The following KANK1 variants were observed in gnomAD, a reference collection of about 807,000 sequenced individuals.
KANK1 encodes the protein KN motif and ankyrin repeat domain-containing protein 1.
KANK1 carries 109 observed loss-of-function variants against 106.2 expected under a neutral mutation model. The ratio of observed to expected loss-of-function variants is 1.03; its 90% CI spans 0.88 to 1.20. The LOEUF is 1.20. Ranked by LOEUF, KANK1 falls within the 50% of genes most tolerant of loss-of-function variation. The pLI is 0.00. For synonymous variants in KANK1, 873 were observed against 652.2 expected, an observed-to-expected ratio of 1.34 and a Z score of -5.16; for missense variants, 2,399 against 1,710.7, an observed-to-expected ratio of 1.40 and a Z score of -7.10.
intron 3 of KANK1, among the ~76,000 whole-genome samples, chr9:717,196 G>C (rs547193277): frequency 6.6e-6 from 1 of 151,956 alleles, no homozygotes; most frequent in Admixed American, 6.5e-5. Flanking sequence ...GAGGTGGGAA[G>C]ATCACCGGCG....
rs112874232 is a variant in KANK1, at chr9:656,669, C to T, written c.-83-20221C>T. Among the ~76,000 whole-genome samples the T allele has an allele frequency of 3.7e-3, 568 of 152,252 alleles. 5 individuals are homozygous for T. The highest frequency in any genetic ancestry group is 0.034 in the Middle Eastern group (10 of 294). ...TGCCTGTCTAGCGTGGGTAGGTGAACGTCAGCAGAACTCTTGAAGAATCAC... is the reference window on the plus strand; with the variant it reads ...TGCCTGTCTAGCGTGGGTAGGTGAATGTCAGCAGAACTCTTGAAGAATCAC... On this transcript the variant is annotated intron_variant, in intron 1 of 11. Transcript: ENST00000382297.
intron 1 of KANK1, among the ~76,000 whole-genome samples, chr9:667,111 C>T (rs1201151395): frequency 6.6e-6 from 1 of 151,114 alleles, no homozygotes; most frequent in African/African-American, 2.4e-5. Context: ...TTAATTATAG[C>T]TTTGATCTTA....
chr9:528,469 C>CTTTTTTTTT lies in KANK1; in HGVS notation c.-84+23737_-84+23745dup, dbSNP rs36072780. Among the ~76,000 whole-genome samples, 23 of 85,122 alleles carry CTTTTTTTTT rather than the reference C, an allele frequency of 2.7e-4. 1 individual carries two copies. Among genetic ancestry groups the CTTTTTTTTT allele is most frequent in the African/African-American group, 4.2e-4 (10 of 23,622 alleles). The allele number at this position is 85,122 out of a possible 152,430, so 55.8% of individuals were successfully genotyped here. A position where few individuals can be genotyped will look rare whatever the true frequency, so the allele number is the denominator to read the frequency against. On this transcript the variant is annotated intron_variant, in intron 1 of 11. Transcript: ENST00000382297. The stretch of plus-strand genomic sequence containing the variant: ...ACCATTTTACTGAATTAAAAAATAA[C>CTTTTTTTTT]TTTTTTTTTTTTTTTTTTTTTTTTT...
At chr9:730,296 C>T in intron 4 of KANK1, 48 bp downstream of exon 4, 1 of 1,526,902 alleles carries the variant, frequency 6.5e-7, no homozygotes. Flanking sequence ...CTAGGGCCAG[C>T]ATTGCCAGCA....
chr9:698,388 T>TC (rs1347146704), intron 2 of KANK1, among the ~76,000 whole-genome samples: 1 of 152,164 alleles, frequency 6.6e-6, no homozygotes, highest in Non-Finnish European at 1.5e-5. Context: ...TATCCGTCCT[T>TC]CCCAGGTTAG....
At chr9:656,452 C>G (rs62530091) in intron 1 of KANK1, among the ~76,000 whole-genome samples, 2 of 152,060 alleles carry the variant, frequency 1.3e-5, no homozygotes, top group African/African-American at 4.8e-5. Context: ...TCCCTTTTGC[C>G]TCTACCTCAT....
chr9:711,308 G>T lies in KANK1; in HGVS notation c.542G>T (p.Arg181Met), dbSNP rs773403259. 2 of 1,614,148 alleles carry T rather than the reference G, an allele frequency of 1.2e-6. No homozygotes were observed. The highest frequency in any genetic ancestry group is 1.7e-6 in the Non-Finnish European group (2 of 1,180,044). Residue 181 changes from arginine (R) to methionine (M), a missense_variant, in exon 3 of 12, where the codon AGG (arginine) becomes ATG (methionine). Arg to Met is a moderately conservative substitution (Grantham distance 91, BLOSUM62 -1). Coordinates refer to ENST00000382297, the MANE Select transcript of KANK1 (RefSeq NM_015158.5). Reference sequence around the variant, plus strand: ...CAGATGACACCGGGTGAGTTCAGAAGGCCCAGGCTGGCCAGTTTTGGAGGC... The same window carrying T: ...CAGATGACACCGGGTGAGTTCAGAATGCCCAGGCTGGCCAGTTTTGGAGGC... ...TMQMTPGEFR[R>M]PRLASFGGMG...
Position 744,573 on chromosome 9 carries a change from C to A in KANK1, c.3980C>A (p.Ala1327Glu). 1 of 1,614,040 alleles carries A rather than the reference C, an allele frequency of 6.2e-7. No homozygotes were observed. The highest frequency in any genetic ancestry group is 2.2e-5 in the East Asian group (1 of 44,896). Reference sequence around the variant, plus strand: ...CTTCTGTATGCCCATGTCAACTTTGCAAAAGCCCAGTCTCCGGTCAGTGTT... The same window carrying A: ...CTTCTGTATGCCCATGTCAACTTTGAAAAAGCCCAGTCTCCGGTCAGTGTT... ...AVLLYAHVNF[A>E]KAQSPGTPRL... The change falls in exon 11 of 12, where the codon GCA (alanine) becomes GAA (glutamate). Residue 1327 changes from alanine to glutamate, a missense_variant. Physicochemically the swap from Ala to Glu is moderately radical, Grantham distance 107. Coordinates refer to ENST00000382297, the MANE Select transcript of KANK1 (RefSeq NM_015158.5).
intron 8 of KANK1, among the ~76,000 whole-genome samples, chr9:740,302 G>A (rs937483278): frequency 1.3e-5 from 2 of 152,140 alleles, no homozygotes; most frequent in African/African-American, 2.4e-5. Flanking sequence ...CAGGACCCCC[G>A]ACAGGCCAGA....
intron 1 of KANK1, among the ~76,000 whole-genome samples, chr9:663,707 G>A (rs937716820): frequency 6.6e-6 from 1 of 152,166 alleles, no homozygotes; most frequent in Non-Finnish European, 1.5e-5. Context: ...AAATGTTCAG[G>A]AAGCTGCGTG....
chr9:476,522 C>G (rs1474363421), intron 3 of KANK1: 1 of 151,136 alleles, frequency 6.6e-6, no homozygotes, highest in Non-Finnish European at 1.5e-5. Context: ...GACTCCATCT[C>G]AAAAACAAAA....
chr9:598,700 G>C (rs748310617), intron 1 of KANK1, among the ~76,000 whole-genome samples: 27 of 121,804 alleles, frequency 2.2e-4, no homozygotes, highest in Non-Finnish European at 3.8e-4. Context: ...GCACGACCTC[G>C]GCTCACTGCA....
At chr9:503,337 T>C (rs10974872), upstream of KANK1, among the ~76,000 whole-genome samples, 33,439 of 152,004 alleles carry the variant, frequency 0.22, 7,791 homozygotes, top group African/African-American at 0.59. Flanking sequence ...AGGAAAGAGT[T>C]TGCTTACTGC....
intron 1 of KANK1, among the ~76,000 whole-genome samples, chr9:529,132 TAGTGAA>T (rs1173596281): frequency 2.6e-5 from 4 of 151,190 alleles, no homozygotes; most frequent in Non-Finnish European, 4.4e-5. Context: ...AAAAGGTGTA[TAGTGAA>T]AAGCCACCCA....
intron 1 of KANK1, among the ~76,000 whole-genome samples, chr9:616,094 A>G (rs1831761197): frequency 6.6e-6 from 1 of 152,194 alleles, no homozygotes. Flanking sequence ...CGAGCACCAC[A>G]TCCACTGAAG....
At chr9:667,747 G>GTTT (rs200088017) in intron 1 of KANK1, among the ~76,000 whole-genome samples, 16 of 133,994 alleles carry the variant, frequency 1.2e-4, no homozygotes, top group Non-Finnish European at 1.8e-4. Context: ...TTTTTGTTTT[G>GTTT]TTTTTTTTTT....
At chr9:477,994 C>A in intron 3 of KANK1, 1 of 161,402 alleles carries the variant, frequency 6.2e-6, no homozygotes, top group Non-Finnish European at 1.4e-5. Context: ...TGATGACATT[C>A]CCAAGGCCAC....
At chr9:587,241 T>C (rs17412197) in intron 1 of KANK1, among the ~76,000 whole-genome samples, 1,805 of 152,344 alleles carry the variant, frequency 0.012, 25 homozygotes, top group Non-Finnish European at 0.018. Flanking sequence ...TAGTCTTTTA[T>C]GCTCCAATGA....
chr9:550,359 C>T (rs1179454843), intron 1 of KANK1, among the ~76,000 whole-genome samples: 1 of 152,178 alleles, frequency 6.6e-6, no homozygotes, highest in Non-Finnish European at 1.5e-5. Flanking sequence ...CCTAGCCACT[C>T]CTTTTTCCCT....
Sources: allele counts gnomAD v4.1 joint callset (sites outside exome capture counted in the v4.1 genomes callset), GRCh38; gene constraint gnomAD v4.1.1; transcripts MANE v1.5; gene names NCBI Gene and HGNC (gene_info 2026-07-23, HGNC 2026-07-21).